LRMDA: variants seen among roughly 807,000 people sequenced by gnomAD.
LRMDA encodes leucine rich melanocyte differentiation associated.
LRMDA carries 18 observed loss-of-function variants against 29.8 expected under a neutral mutation model. The ratio of observed to expected loss-of-function variants is 0.60; its 90% CI spans 0.42 to 0.90. The LOEUF (loss-of-function observed/expected upper bound fraction) is 0.90. Among genes scored for constraint, LRMDA ranks in the 40% least tolerant of loss-of-function variants. The pLI, the probability that LRMDA is intolerant of heterozygous loss-of-function variation, is 0.00. For synonymous variants in LRMDA, 125 were observed against 109.4 expected (o/e 1.14, Z -0.89); for missense variants, 273 against 273.9 (o/e 1.00, Z 0.02).
chr10:76,135,546 A>C (rs753963043), intron 5 of LRMDA, among the ~76,000 whole-genome samples: 2 of 152,184 alleles, frequency 1.3e-5, no homozygotes, highest in Non-Finnish European at 2.9e-5. Context: ...AGGTGGTTTA[A>C]ACAGCAGAAA....
chr10:76,381,328 G>A (rs939884814), intron 6 of LRMDA, among the ~76,000 whole-genome samples: 1 of 151,616 alleles, frequency 6.6e-6, no homozygotes, highest in African/African-American at 2.4e-5. Context: ...TTTGATATTT[G>A]GTATCTTCAA....
chr10:76,185,617 A>G (rs1193649744), intron 5 of LRMDA, among the ~76,000 whole-genome samples: 1 of 152,060 alleles, frequency 6.6e-6, no homozygotes, highest in Non-Finnish European at 1.5e-5. Context: ...TATTCTTAGC[A>G]TGTTTGTGCG....
intron 5 of LRMDA, among the ~76,000 whole-genome samples, chr10:76,061,293 T>C (rs1848698027): frequency 6.6e-6 from 1 of 152,156 alleles, no homozygotes; most frequent in Non-Finnish European, 1.5e-5. Context: ...ATACATATTC[T>C]TACTTACAGG....
chr10:75,444,685 T>C (rs1844369801), intron 2 of LRMDA, among the ~76,000 whole-genome samples: 1 of 151,350 alleles, frequency 6.6e-6, no homozygotes, highest in African/African-American at 2.4e-5. Context: ...AAGATCTTTA[T>C]TTTTTAAGAT....
At chr10:76,107,983 C>T (rs1849515154) in intron 5 of LRMDA, among the ~76,000 whole-genome samples, 1 of 152,178 alleles carries the variant, frequency 6.6e-6, no homozygotes, top group Non-Finnish European at 1.5e-5. Context: ...CAGACTGAGT[C>T]AGAATCACTT....
intron 6 of LRMDA, among the ~76,000 whole-genome samples, chr10:76,389,766 C>G (rs962160986): frequency 6.6e-6 from 1 of 152,150 alleles, no homozygotes; most frequent in Non-Finnish European, 1.5e-5. Flanking sequence ...AGCATAATGT[C>G]CTCAAAATTC....
rs1278621667 is a variant in LRMDA, at chr10:75,556,749, ATTGTT to A, written c.131+118258_131+118262del. Among the ~76,000 whole-genome samples the A allele has an allele frequency of 5.2e-3, 740 of 142,772 alleles. 3 individuals carry two copies. Among genetic ancestry groups the A allele is most frequent in the Non-Finnish European group, 8.2e-3 (543 of 66,010 alleles). The allele number at this position is 142,772 out of a possible 152,430, so 93.7% of individuals were successfully genotyped here. A position where few individuals can be genotyped will look rare whatever the true frequency, so the allele number is the denominator to read the frequency against. The stretch of plus-strand genomic sequence containing the variant: ...GGTAACAGACCCATGTGGTTGCATG[ATTGTT>A]TTTTTTTTTTTTGTCATTTTATGTG... On this transcript the variant is annotated intron_variant, in intron 2 of 6. Coordinates refer to ENST00000611255, the MANE Select transcript of LRMDA (RefSeq NM_001305581.2).
chr10:75,625,048 A>T (rs994588828), intron 2 of LRMDA, among the ~76,000 whole-genome samples: 1 of 152,200 alleles, frequency 6.6e-6, no homozygotes, highest in Non-Finnish European at 1.5e-5. Flanking sequence ...TGGGCAGGAT[A>T]GTCCTGTGGT....
chr10:75,814,353 G>A (rs1203083041), intron 2 of LRMDA, among the ~76,000 whole-genome samples: 1 of 152,114 alleles, frequency 6.6e-6, no homozygotes, highest in African/African-American at 2.4e-5. Flanking sequence ...TTGTTTCCCT[G>A]GGTGGTACTT....
chr10:76,108,261 G>A (rs569680287), intron 5 of LRMDA, among the ~76,000 whole-genome samples: 1 of 152,268 alleles, frequency 6.6e-6, no homozygotes, highest in South Asian at 2.1e-4. Flanking sequence ...TCATCATAGA[G>A]TCACTGGGGC....
chr10:76,533,761 A>G (rs1222252843), intron 6 of LRMDA, among the ~76,000 whole-genome samples: 1 of 152,198 alleles, frequency 6.6e-6, no homozygotes, highest in Non-Finnish European at 1.5e-5. Flanking sequence ...GCTTGGAACT[A>G]CTCTAACATG....
chr10:76,158,267 C>G (rs371143776), intron 5 of LRMDA, among the ~76,000 whole-genome samples: 5 of 152,100 alleles, frequency 3.3e-5, no homozygotes, highest in East Asian at 1.9e-4. Context: ...TTTCCTACCC[C>G]CTTTGCCTCC....
At chr10:76,268,369 G>A (rs1840029755) in intron 5 of LRMDA, among the ~76,000 whole-genome samples, 1 of 152,186 alleles carries the variant, frequency 6.6e-6, no homozygotes, top group South Asian at 2.1e-4. Flanking sequence ...CCCACATTCA[G>A]GAATGACAGG....
At chr10:76,328,313 A>T (rs2758988) in intron 6 of LRMDA, among the ~76,000 whole-genome samples, 90,200 of 152,126 alleles carry the variant, frequency 0.59, 30,635 homozygotes, top group Non-Finnish European at 0.79. Context: ...GGTAGCTCTT[A>T]GAAGTAGAAT....
intron 2 of LRMDA, among the ~76,000 whole-genome samples, chr10:75,981,909 C>T (rs1379724008): frequency 6.6e-6 from 1 of 151,650 alleles, no homozygotes; most frequent in Non-Finnish European, 1.5e-5. Context: ...TAAATATTGG[C>T]CAGCTCCTCT....
At chr10:76,143,579 A>G (rs1020969687) in intron 5 of LRMDA, among the ~76,000 whole-genome samples, 1 of 151,908 alleles carries the variant, frequency 6.6e-6, no homozygotes, top group African/African-American at 2.4e-5. Context: ...TTCATTGTAG[A>G]TTCTGGATAT....
intron 2 of LRMDA, among the ~76,000 whole-genome samples, chr10:75,786,203 C>T (rs1227572253): frequency 6.6e-6 from 1 of 152,200 alleles, no homozygotes; most frequent in Non-Finnish European, 1.5e-5. Flanking sequence ...CTCCTCATAA[C>T]AACTTCCCAT....
At chr10:75,966,196 G>GAT (rs764216510) in intron 2 of LRMDA, among the ~76,000 whole-genome samples, 9 of 152,214 alleles carry the variant, frequency 5.9e-5, no homozygotes, top group East Asian at 1.9e-4. Flanking sequence ...CCACTGATGG[G>GAT]ATATATATAT....
intron 6 of LRMDA, among the ~76,000 whole-genome samples, chr10:76,479,607 AAC>A (rs1842716001): frequency 6.6e-6 from 1 of 151,876 alleles, no homozygotes; most frequent in East Asian, 2.0e-4. Context: ...CCTGATGAGA[AAC>A]ACCAAATGCT....
Sources: gnomAD v4.1 joint callset for allele counts (sites outside exome capture counted in the v4.1 genomes callset) on GRCh38, gnomAD v4.1.1 for gene constraint, MANE v1.5 for transcripts, NCBI Gene and HGNC (gene_info 2026-07-23, HGNC 2026-07-21) for gene names.